The following ME1 variants were observed in gnomAD, a reference collection of about 807,000 sequenced individuals.
ME1 encodes NADP-dependent malic enzyme.
A neutral mutation model predicts 66.4 loss-of-function variants in ME1; 74 were observed. The observed-to-expected ratio is 1.11, with a 90% CI of 0.92 to 1.35. ME1 has a LOEUF of 1.35. ME1 is among the 40% of genes most tolerant of loss of function. ME1 has a pLI of 0.00. For missense variants in ME1, 750 were observed against 694.1 expected (o/e 1.08, Z -0.90); for synonymous variants, 251 against 235.6 (o/e 1.07, Z -0.60).
intron 1 of ME1, among the ~76,000 whole-genome samples, chr6:83,414,655 G>A (rs906620739): frequency 6.6e-6 from 1 of 151,728 alleles, no homozygotes; most frequent in African/African-American, 2.4e-5. Context: ...AGAGCAAATG[G>A]GTTTTTAAAA....
At position 83,237,704 on chromosome 6, in the gene ME1, G is replaced by T; in HGVS notation, c.1026+13C>A. ...AGTTATCTTTATTCTGGTTAAAAAT[G>T]ACAAATTCTTACCTTAACTATTAAT... On this transcript the variant is annotated intron_variant, in intron 9 of 13. Coordinates refer to ENST00000369705, the MANE Select transcript of ME1 (RefSeq NM_002395.6). 6.7e-7 allele frequency: 1 copy of T among 1,485,870 alleles called. No individual in the cohort carries two copies. The highest frequency in any genetic ancestry group is 9.3e-7 in the Non-Finnish European group (1 of 1,078,882). 92.0% of individuals were successfully genotyped at this position (1,485,870 alleles called of 1,614,324 possible). A position where few individuals can be genotyped will look rare whatever the true frequency, so the allele number is the denominator to read the frequency against.
intron 7 of ME1, among the ~76,000 whole-genome samples, chr6:83,245,675 T>G (rs1448890984): frequency 6.6e-6 from 1 of 152,240 alleles, no homozygotes; most frequent in East Asian, 1.9e-4. Flanking sequence ...CCCAAAGTGC[T>G]GGGATTACAG....
intron 1 of ME1, among the ~76,000 whole-genome samples, chr6:83,419,967 T>C (rs979423390): frequency 3.0e-4 from 46 of 152,282 alleles, no homozygotes; most frequent in African/African-American, 1.0e-3. Context: ...TCATGTGAAA[T>C]GTGGGGAAGG....
chr6:83,292,697 C>G (rs1767526489), intron 6 of ME1, among the ~76,000 whole-genome samples: 1 of 152,202 alleles, frequency 6.6e-6, no homozygotes, highest in Non-Finnish European at 1.5e-5. Flanking sequence ...AAGCTGTCTG[C>G]TGCCTTTTGT....
intron 6 of ME1, among the ~76,000 whole-genome samples, chr6:83,256,129 G>A (rs750949533): frequency 3.5e-4 from 53 of 151,994 alleles, no homozygotes; most frequent in African/African-American, 1.1e-3. Flanking sequence ...CTTACATACC[G>A]TGCATCCTTA....
At chr6:83,263,993 G>C (rs747763220) in intron 6 of ME1, among the ~76,000 whole-genome samples, 1 of 152,076 alleles carries the variant, frequency 6.6e-6, no homozygotes, top group Non-Finnish European at 1.5e-5. Context: ...TGGCATCTAG[G>C]GCTTTCATAG....
At chr6:83,327,065 A>C (rs1768307996) in intron 5 of ME1, among the ~76,000 whole-genome samples, 1 of 152,186 alleles carries the variant, frequency 6.6e-6, no homozygotes, top group Non-Finnish European at 1.5e-5. Context: ...ACAAATTGTA[A>C]AGATTTCATG....
intron 6 of ME1, among the ~76,000 whole-genome samples, chr6:83,291,836 C>T (rs988952398): frequency 1.3e-5 from 2 of 152,026 alleles, no homozygotes; most frequent in African/African-American, 4.8e-5. Flanking sequence ...TCTTTTTTCT[C>T]TAATCTTGTC....
chr6:83,216,301 A>G (rs1789992493), intron 13 of ME1, among the ~76,000 whole-genome samples, 197 bp downstream of exon 13: 1 of 152,218 alleles, frequency 6.6e-6, no homozygotes, highest in African/African-American at 2.4e-5. Flanking sequence ...TATTCGGCCC[A>G]ATACTTCCAT....
chr6:83,306,916 A>G (rs971226572), intron 6 of ME1, among the ~76,000 whole-genome samples: 17 of 152,144 alleles, frequency 1.1e-4, no homozygotes, highest in African/African-American at 3.9e-4. Flanking sequence ...ATTTATATCC[A>G]TATTAAAGGA....
At chr6:83,421,465 T>C (rs549132757) in intron 1 of ME1, among the ~76,000 whole-genome samples, 3 of 152,346 alleles carry the variant, frequency 2.0e-5, no homozygotes, top group Admixed American at 2.0e-4. Context: ...ATAATCCTTG[T>C]ATAGAATGCG....
At position 83,260,298 on chromosome 6, in the gene ME1, G is replaced by A. The variant is rs73487344; in HGVS notation, c.705-6560C>T. Among the ~76,000 whole-genome samples the A allele has an allele frequency of 9.3e-3, 1,409 of 151,926 alleles. 34 individuals carry two copies. Among genetic ancestry groups the A allele is most frequent in the African/African-American group, 0.032 (1,328 of 41,432 alleles). ...TAAAATTCAACAAATTTTGAAGTTC[G>A]GTTTATAACTAAAGTGGCTATTTAG... On this transcript the variant is annotated intron_variant, in intron 6 of 13. Coordinates refer to ENST00000369705, the MANE Select transcript of ME1 (RefSeq NM_002395.6).
intron 6 of ME1, among the ~76,000 whole-genome samples, chr6:83,284,983 T>C (rs1187461879): frequency 6.6e-6 from 1 of 152,198 alleles, no homozygotes; most frequent in African/African-American, 2.4e-5. Flanking sequence ...GACACTTAGA[T>C]TGAGTCTATG....
At position 83,223,646 on chromosome 6, in the gene ME1, T is replaced by A; in HGVS notation, c.1449+114A>T. ...TACTCCACTGGGAAGTTCTTCAGAC[T>A]TTACTTCTTTCAGAGAGTAAGCTGA... On this transcript the variant is annotated intron_variant, in intron 12 of 13. Transcript: ENST00000369705. 9 of 1,020,300 alleles carry A rather than the reference T, an allele frequency of 8.8e-6. 1 individual carries two copies. The South Asian group carries it at 1.5e-4, about 17-fold the overall frequency. The allele number at this position is 1,020,300 out of a possible 1,614,324, so 63.2% of individuals were successfully genotyped here.
chr6:83,312,932 T>A (rs1467333422), intron 6 of ME1, among the ~76,000 whole-genome samples: 1 of 152,086 alleles, frequency 6.6e-6, no homozygotes. Context: ...GTTTTTGTAT[T>A]TTTTAGTAGA....
intron 6 of ME1, among the ~76,000 whole-genome samples, chr6:83,284,352 A>G (rs1368762810): frequency 6.6e-6 from 1 of 152,062 alleles, no homozygotes; most frequent in Non-Finnish European, 1.5e-5. Flanking sequence ...AATTACCCCA[A>G]AAAAAATCAA....
chr6:83,391,526 A>G (rs963747434), intron 3 of ME1, among the ~76,000 whole-genome samples: 2 of 152,134 alleles, frequency 1.3e-5, no homozygotes, highest in African/African-American at 4.8e-5. Flanking sequence ...TTCTCAACAC[A>G]GCAACCAGAA....
intron 6 of ME1, among the ~76,000 whole-genome samples, chr6:83,268,168 T>C (rs1448491227): frequency 6.6e-6 from 1 of 152,156 alleles, no homozygotes; most frequent in African/African-American, 2.4e-5. Flanking sequence ...CTCATCTCTT[T>C]TCTGCCTAAG....
intron 6 of ME1, among the ~76,000 whole-genome samples, chr6:83,290,321 C>T (rs1767478479): frequency 6.6e-6 from 1 of 152,048 alleles, no homozygotes; most frequent in Non-Finnish European, 1.5e-5. Flanking sequence ...GATTCTGGTA[C>T]ATTGTGTCTT....
Sources: gnomAD v4.1 joint callset for allele counts (sites outside exome capture counted in the v4.1 genomes callset) on GRCh38, gnomAD v4.1.1 for gene constraint, MANE v1.5 for transcripts, NCBI Gene and HGNC (gene_info 2026-07-23, HGNC 2026-07-21) for gene names.